Variants in SLC35F4 observed in about 807,000 individuals in gnomAD.
SLC35F4 encodes the protein solute carrier family 35 member F4.
A neutral mutation model predicts 44.2 loss-of-function variants in SLC35F4; 24 were observed. The observed-to-expected ratio is 0.54, with a 90% CI of 0.39 to 0.76. SLC35F4 has a LOEUF of 0.76. Among genes scored for constraint, SLC35F4 ranks in the 30% least tolerant of loss-of-function variants. SLC35F4 has a pLI of 0.00. For synonymous variants in SLC35F4, 238 were observed against 223.6 expected, an observed-to-expected ratio of 1.06 and a Z score of -0.57; for missense variants, 562 against 586.1, an observed-to-expected ratio of 0.96 and a Z score of 0.42.
chr14:57,711,141 C>T (rs1195306112), intron 1 of SLC35F4, among the ~76,000 whole-genome samples: 1 of 151,942 alleles, frequency 6.6e-6, no homozygotes, highest in South Asian at 2.1e-4. Context: ...GGGTGGTTTC[C>T]CCTGCTGTTC....
intron 1 of SLC35F4, among the ~76,000 whole-genome samples, chr14:57,914,247 G>A (rs1017514042): frequency 6.6e-6 from 1 of 152,150 alleles, no homozygotes; most frequent in Non-Finnish European, 1.5e-5. Context: ...AGCAGAAAAG[G>A]GGGCCAAACT....
intron 1 of SLC35F4, among the ~76,000 whole-genome samples, chr14:57,775,167 T>A (rs988109117): frequency 3.3e-5 from 5 of 152,198 alleles, no homozygotes; most frequent in Admixed American, 2.6e-4. Flanking sequence ...CCAGTGCACA[T>A]GTGCACACAG....
At position 57,809,810 on chromosome 14, in the gene SLC35F4, A is replaced by G. The variant is rs540377037; in HGVS notation, c.103+55913T>C. 2.6e-5 allele frequency among the ~76,000 whole-genome samples: 4 copies of G among 152,352 alleles called. No homozygotes were observed. In the South Asian group the frequency reaches 8.3e-4, roughly 32 times the overall value. On this transcript the variant is annotated intron_variant, in intron 1 of 7. Transcript: ENST00000556826. Reference sequence around the variant, plus strand: ...TCCAGAAGCTGACAAAATTAATCAAAGACTGCATCATACCAAGTCATCTTC... The same window carrying G: ...TCCAGAAGCTGACAAAATTAATCAAGGACTGCATCATACCAAGTCATCTTC...
chr14:57,809,566 A>C (rs1220348119), intron 1 of SLC35F4, among the ~76,000 whole-genome samples: 1 of 152,242 alleles, frequency 6.6e-6, no homozygotes, highest in Non-Finnish European at 1.5e-5. Context: ...CCATAGTGTG[A>C]AGTGAGAAAT....
chr14:57,663,404 G>A (rs985116564), intron 1 of SLC35F4, among the ~76,000 whole-genome samples: 37 of 152,036 alleles, frequency 2.4e-4, no homozygotes, highest in Admixed American at 1.3e-4. Context: ...TTCAGGAGAG[G>A]GCCAGACAAG....
chr14:57,935,510 A>G lies in SLC35F4; in HGVS notation n.282+46403T>C, dbSNP rs1236266376. On this transcript the variant is annotated intron_variant and non_coding_transcript_variant, in intron 1 of 1. Coordinates refer to the SLC35F4 transcript ENST00000556568. ...AGTGGGTTCTTGTTCAGGATTAGGC[A>G]GAGGATGGCAAGTTACAAATCTTCT... 2.6e-5 allele frequency among the ~76,000 whole-genome samples: 4 copies of G among 152,236 alleles called. No individual in the cohort carries two copies. In the East Asian group the frequency reaches 7.7e-4, roughly 29 times the overall value.
intron 1 of SLC35F4, among the ~76,000 whole-genome samples, chr14:57,691,438 T>G (rs2075228934): frequency 6.6e-6 from 1 of 152,188 alleles, no homozygotes; most frequent in Non-Finnish European, 1.5e-5. Context: ...TCAGGGCACA[T>G]ATAATGGTGG....
intron 1 of SLC35F4, among the ~76,000 whole-genome samples, chr14:57,876,418 C>A (rs1208471034): frequency 6.6e-6 from 1 of 151,950 alleles, no homozygotes; most frequent in Non-Finnish European, 1.5e-5. Flanking sequence ...TAATACAAAA[C>A]CTGGCTGCTG....
chr14:57,906,958 T>C (rs1889113254), intron 1 of SLC35F4, among the ~76,000 whole-genome samples: 1 of 152,238 alleles, frequency 6.6e-6, no homozygotes, highest in African/African-American at 2.4e-5. Flanking sequence ...TGACCTTCCC[T>C]TTGCTTTCCA....
intron 5 of SLC35F4, 108 bp downstream of exon 5, chr14:57,571,786 A>G: frequency 2.9e-6 from 4 of 1,400,682 alleles, no homozygotes; most frequent in Non-Finnish European, 3.8e-6. Context: ...TATTATTTCA[A>G]CACATCTATT....
chr14:57,848,945 G>A (rs557299517), intron 1 of SLC35F4, among the ~76,000 whole-genome samples: 4 of 152,254 alleles, frequency 2.6e-5, no homozygotes, highest in South Asian at 2.1e-4. Context: ...GCTGCCTGCT[G>A]GAGTGTGAGT....
At chr14:57,731,207 C>G (rs1274721520) in intron 1 of SLC35F4, among the ~76,000 whole-genome samples, 1 of 152,118 alleles carries the variant, frequency 6.6e-6, no homozygotes, top group Non-Finnish European at 1.5e-5. Context: ...ACAAGACACA[C>G]TAAAGGTGGG....
intron 1 of SLC35F4, among the ~76,000 whole-genome samples, chr14:57,963,725 T>G: frequency 7.0e-6 from 1 of 142,828 alleles, no homozygotes; most frequent in African/African-American, 2.6e-5. Flanking sequence ...TTTTTTTTTT[T>G]TTTTTTTTTT....
chr14:57,879,283 C>T (rs1387852319), intron 1 of SLC35F4, among the ~76,000 whole-genome samples: 1 of 152,074 alleles, frequency 6.6e-6, no homozygotes, highest in African/African-American at 2.4e-5. Context: ...AACATAGGTT[C>T]TATCCTGCCT....
intron 5 of SLC35F4, 24 bp from the exon 6 acceptor site, chr14:57,570,004 A>T (rs2068411942): frequency 5.7e-6 from 9 of 1,566,706 alleles, no homozygotes; most frequent in Non-Finnish European, 7.8e-6. Context: ...GAAACTCTAC[A>T]GCCACACAGA....
intron 1 of SLC35F4, among the ~76,000 whole-genome samples, chr14:57,804,566 T>C (rs1881070157): frequency 6.6e-6 from 1 of 152,160 alleles, no homozygotes; most frequent in African/African-American, 2.4e-5. Context: ...TGGCTGGCCA[T>C]ATGCAGAAAA....
chr14:57,834,191 A>T (rs1174335388), intron 1 of SLC35F4, among the ~76,000 whole-genome samples: 1 of 152,258 alleles, frequency 6.6e-6, no homozygotes, highest in Non-Finnish European at 1.5e-5. Context: ...CAAAATGTCA[A>T]CACCAAAAGG....
Position 57,640,190 on chromosome 14 carries a change from T to G in SLC35F4, c.104-46066A>C, listed in dbSNP as rs528076060. Reference sequence around the variant, plus strand: ...ATCTTCTGTAATGTGCTGTAAATGTTCCAGGAGGATCTGTGTGTTCCAACA... The same window carrying G: ...ATCTTCTGTAATGTGCTGTAAATGTGCCAGGAGGATCTGTGTGTTCCAACA... On this transcript the variant is annotated intron_variant, in intron 1 of 7. Transcript: ENST00000556826. 9.2e-5 allele frequency among the ~76,000 whole-genome samples: 14 copies of G among 152,134 alleles called. No homozygotes were observed. The South Asian group carries it at 2.7e-3, about 29-fold the overall frequency.
At chr14:57,687,772 T>C (rs2075109679) in intron 1 of SLC35F4, among the ~76,000 whole-genome samples, 1 of 152,210 alleles carries the variant, frequency 6.6e-6, no homozygotes, top group Admixed American at 6.6e-5. Context: ...TAATGAGCTA[T>C]TAGTGATAGA....
Sources: gnomAD v4.1 joint callset for allele counts (sites outside exome capture counted in the v4.1 genomes callset) on GRCh38, gnomAD v4.1.1 for gene constraint, MANE v1.5 for transcripts, NCBI Gene and HGNC (gene_info 2026-07-23, HGNC 2026-07-21) for gene names.